The following ADRA1A variants were observed in gnomAD, a reference collection of about 807,000 sequenced individuals.
ADRA1A encodes the protein adrenoceptor alpha 1A.
A neutral mutation model predicts 29.6 loss-of-function variants in ADRA1A; 31 were observed. The observed-to-expected ratio is 1.05, with a 90% CI of 0.79 to 1.41. The LOEUF is 1.41. Among genes scored for constraint, ADRA1A ranks in the 40% most tolerant of loss-of-function variants. ADRA1A has a pLI of 0.00. For missense variants in ADRA1A, 619 were observed against 601.1 expected (o/e 1.03, Z -0.31); for synonymous variants, 311 against 254.3 (o/e 1.22, Z -2.12).
In ADRA1A at chr8:26,864,879, C is replaced by T; in HGVS notation, c.91G>A (p.Val31Met). 1.9e-6 allele frequency: 3 copies of T among 1,614,066 alleles called. No individual in the cohort carries two copies. Among genetic ancestry groups the T allele is most frequent in the Non-Finnish European group, 2.5e-6 (3 of 1,180,006 alleles). ...AAAAGAATGAGGCCCCCCAAGATCA[C>T]CCCGAGCAGAATGGCCTTGGAAATG... The part of the protein sequence containing the change: ...VNISKAILLG[V>M]ILGGLILFGV... Residue 31 changes from valine (V) to methionine (M), a missense_variant, in exon 2 of 3, where the codon GTG (valine) becomes ATG (methionine). Physicochemically the swap from Val to Met is conservative, Grantham distance 21. Coordinates refer to ENST00000380573, the MANE Select transcript of ADRA1A (RefSeq NM_000680.4). This position sits in a 1 kb window ranked among gnomAD's most constrained non-coding sequence, Gnocchi z 8.1.
At chr8:26,849,654 A>C (rs542837480) in intron 2 of ADRA1A, among the ~76,000 whole-genome samples, 3 of 152,192 alleles carry the variant, frequency 2.0e-5, no homozygotes, top group Non-Finnish European at 4.4e-5. Flanking sequence ...GCCCATTTCA[A>C]ATTTTAATAC....
intron 2 of ADRA1A, among the ~76,000 whole-genome samples, chr8:26,843,934 G>C (rs771104975): frequency 1.2e-4 from 18 of 152,196 alleles, no homozygotes; most frequent in Non-Finnish European, 2.5e-4. Context: ...CATGAAGCAA[G>C]TTATGATTAT....
At chr8:26,773,905 C>A (rs964425465) in intron 2 of ADRA1A, among the ~76,000 whole-genome samples, 1 of 152,170 alleles carries the variant, frequency 6.6e-6, no homozygotes. Context: ...TGGCCTCCCC[C>A]TCTCTGTACC....
At chr8:26,833,382 C>T (rs1223597649) in intron 2 of ADRA1A, among the ~76,000 whole-genome samples, 1 of 152,148 alleles carries the variant, frequency 6.6e-6, no homozygotes, top group East Asian at 1.9e-4. Context: ...AATTTTGTCT[C>T]CCTTTTGCTT....
intron 2 of ADRA1A, among the ~76,000 whole-genome samples, chr8:26,798,762 T>G (rs1201115274): frequency 6.6e-6 from 1 of 152,164 alleles, no homozygotes; most frequent in Non-Finnish European, 1.5e-5. Context: ...CAAATAAGAT[T>G]ATTTCTATAA....
At chr8:26,837,636 G>C (rs2130681324) in intron 2 of ADRA1A, among the ~76,000 whole-genome samples, 1 of 138,670 alleles carries the variant, frequency 7.2e-6, no homozygotes, top group East Asian at 2.1e-4. Context: ...GGGTGACAGA[G>C]AGAGACTCTG....
intron 2 of ADRA1A, among the ~76,000 whole-genome samples, chr8:26,786,586 C>T (rs1807405647): frequency 6.6e-6 from 1 of 151,906 alleles, no homozygotes; most frequent in Admixed American, 6.6e-5. Flanking sequence ...TTCTCTGCAC[C>T]AGGCCCTTCA....
At position 26,769,973 on chromosome 8, in the gene ADRA1A, C is replaced by T; in HGVS notation, c.*176G>A. On this transcript the variant is annotated 3_prime_UTR_variant, in exon 3 of 3. Transcript: ENST00000380573. The stretch of plus-strand genomic sequence containing the variant: ...GAACTGGTTGGTTGTGAGACACCCT[C>T]CCTCTTCCCTGTGCCCTACCCGCTG... 1.4e-6 allele frequency: 2 copies of T among 1,407,438 alleles called. No individual in the cohort carries two copies. The highest frequency in any genetic ancestry group is 1.8e-6 in the Non-Finnish European group (2 of 1,085,160). The allele number at this position is 1,407,438 out of a possible 1,614,324, so 87.2% of individuals were successfully genotyped here.
Position 26,866,927 on chromosome 8 carries a change from C to A in ADRA1A, c.-687+9G>T. On this transcript the variant is annotated intron_variant, in intron 1 of 2. Transcript: ENST00000380573. The surrounding 1 kb of genome is among the most constrained non-coding windows in gnomAD (Gnocchi z 5.7). ...CGGCCCTGCGGGACGCCGGCCCCGG[C>A]GCACTCACCTGAAGCGCCGCTGCTG... 1.0e-6 allele frequency: 1 copy of A among 985,436 alleles called. No individual in the cohort carries two copies. Among genetic ancestry groups the A allele is most frequent in the Non-Finnish European group, 1.2e-6 (1 of 829,976 alleles). The allele number at this position is 985,436 out of a possible 1,614,324, so 61.0% of individuals were successfully genotyped here. A position where few individuals can be genotyped will look rare whatever the true frequency, so the allele number is the denominator to read the frequency against.
At chr8:26,820,293 T>C (rs144636164) in intron 2 of ADRA1A, among the ~76,000 whole-genome samples, 5 of 152,344 alleles carry the variant, frequency 3.3e-5, no homozygotes, top group African/African-American at 1.2e-4. Context: ...AATATATGTT[T>C]TTCTCAATTG....
intron 2 of ADRA1A, among the ~76,000 whole-genome samples, chr8:26,840,715 A>G (rs61762866): frequency 0.077 from 11,749 of 152,198 alleles, 1,478 homozygotes; most frequent in African/African-American, 0.27. Flanking sequence ...ATATTTGCTA[A>G]AGACAAATTT....
rs1255084128 is a variant in ADRA1A at position 26,787,060 on chromosome 8, G to A, written c.884-16394C>T. On this transcript the variant is annotated intron_variant, in intron 2 of 2. Coordinates refer to ENST00000380573, the MANE Select transcript of ADRA1A (RefSeq NM_000680.4). The surrounding 1 kb of genome is among the most constrained non-coding windows in gnomAD (Gnocchi z 4.2). ...ACCTCATCTTACAGATGAGGAAACT[G>A]AGGCTTAAGGAGTTTAATTTGCAAC... Among the ~76,000 whole-genome samples, 1 of 152,164 alleles carries A rather than the reference G, an allele frequency of 6.6e-6. No individual in the cohort carries two copies. The highest frequency in any genetic ancestry group is 1.5e-5 in the Non-Finnish European group (1 of 68,024).
In ADRA1A at chr8:26,831,451, C is replaced by A. The variant is rs61761847; in HGVS notation, c.883+32636G>T. ...CTCAAGTGGGCAGACTGATACTGAGCTCTGCTGGGATTGCCCAGTACCAAC... is the reference window on the plus strand; with the variant it reads ...CTCAAGTGGGCAGACTGATACTGAGATCTGCTGGGATTGCCCAGTACCAAC... On this transcript the variant is annotated intron_variant, in intron 2 of 2. Coordinates refer to ENST00000380573, the MANE Select transcript of ADRA1A (RefSeq NM_000680.4). This position sits in a 1 kb window ranked among gnomAD's most constrained non-coding sequence, Gnocchi z 5.2. Among the ~76,000 whole-genome samples, 76 of 152,212 alleles carry A rather than the reference C, an allele frequency of 5.0e-4. 1 individual carries two copies. Among genetic ancestry groups the A allele is most frequent in the Non-Finnish European group, 8.5e-4 (58 of 68,022 alleles).
chr8:26,800,980 TATCA>T (rs1585717549), intron 2 of ADRA1A, among the ~76,000 whole-genome samples: 1 of 152,152 alleles, frequency 6.6e-6, no homozygotes, highest in East Asian at 1.9e-4. Flanking sequence ...AACATATTCA[TATCA>T]ATCAGTGTGA....
chr8:26,818,890 A>AAG (rs199933241), intron 2 of ADRA1A, among the ~76,000 whole-genome samples: 1 of 151,620 alleles, frequency 6.6e-6, no homozygotes, highest in South Asian at 2.1e-4. Flanking sequence ...TTAAGAGGAA[A>AAG]AGAGAGAGAG....
At chr8:26,800,709 A>G (rs1033882317) in intron 2 of ADRA1A, among the ~76,000 whole-genome samples, 7 of 152,148 alleles carry the variant, frequency 4.6e-5, no homozygotes, top group African/African-American at 1.7e-4. Flanking sequence ...TCCTACTCAA[A>G]CTATTTCAAA....
rs548056689 is a variant in ADRA1A, at chr8:26,806,193, T to G, written c.884-35527A>C. Reference sequence around the variant, plus strand: ...TGGGTTATTAGCACTGCCCTGTTTTTAACTGGGTTGCAATTCATGCAGCCT... The same window carrying G: ...TGGGTTATTAGCACTGCCCTGTTTTGAACTGGGTTGCAATTCATGCAGCCT... On this transcript the variant is annotated intron_variant, in intron 2 of 2. Transcript: ENST00000380573. The surrounding 1 kb of genome is among the most constrained non-coding windows in gnomAD (Gnocchi z 4.6). Among the ~76,000 whole-genome samples the G allele has an allele frequency of 6.6e-6, 1 of 152,346 alleles. No individual in the cohort carries two copies. Among genetic ancestry groups the G allele is most frequent in the South Asian group, 2.1e-4 (1 of 4,828 alleles).
At chr8:26,762,322 G>A (rs151204842), downstream of ADRA1A, among the ~76,000 whole-genome samples, 431 of 152,240 alleles carry the variant, frequency 2.8e-3, 8 homozygotes, top group Admixed American at 0.024. This position sits in a 1 kb window ranked among gnomAD's most constrained non-coding sequence, Gnocchi z 4.0. Flanking sequence ...CAAGCAGAGG[G>A]TAAAAGTCAT....
At chr8:26,824,036 C>T (rs1488183053) in intron 2 of ADRA1A, among the ~76,000 whole-genome samples, 3 of 152,042 alleles carry the variant, frequency 2.0e-5, no homozygotes, top group Admixed American at 6.5e-5. Flanking sequence ...TCTTGCTCAG[C>T]CCCCACACCT....
Sources: gnomAD v4.1 joint callset for allele counts (sites outside exome capture counted in the v4.1 genomes callset) on GRCh38, gnomAD v4.1.1 for gene constraint, Gnocchi (gnomAD v3.1) non-coding constraint, MANE v1.5 for transcripts, NCBI Gene and HGNC (gene_info 2026-07-23, HGNC 2026-07-21) for gene names.